COL5A3: variants seen among roughly 807,000 people sequenced by gnomAD.
The protein encoded by COL5A3 is collagen type V alpha 3 chain.
COL5A3 carries 172 observed loss-of-function variants against 250.0 expected under a neutral mutation model. That is an observed-to-expected ratio of 0.69 (90% confidence interval 0.61 to 0.78). The LOEUF (loss-of-function observed/expected upper bound fraction) is 0.78. Ranked by LOEUF, COL5A3 falls within the 30% of genes least tolerant of loss-of-function variation. COL5A3 has a pLI of 0.00. For synonymous variants in COL5A3, 937 were observed against 900.4 expected (o/e 1.04, Z -0.73); for missense variants, 2,340 against 2,334.4 (o/e 1.00, Z -0.05).
chr19:9,999,020 T>TTC (rs201356133), intron 8 of COL5A3, among the ~76,000 whole-genome samples: 17,809 of 128,450 alleles, frequency 0.14, 1,126 homozygotes, highest in African/African-American at 0.18. Flanking sequence ...CTTTCTTTCT[T>TTC]TCTTTCTCTT....
At chr19:9,966,898 G>C (rs1028667843) in intron 62 of COL5A3, 152 bp from the exon 63 acceptor site, 9 of 651,218 alleles carry the variant, frequency 1.4e-5, no homozygotes, top group Non-Finnish European at 2.3e-5. Flanking sequence ...AGAGAAAGGA[G>C]AGATAAGCAG....
At position 10,009,464 on chromosome 19, in the gene COL5A3, C is replaced by T. The variant is rs918244637; in HGVS notation, c.88+834G>A. Among the ~76,000 whole-genome samples the T allele has an allele frequency of 1.3e-5, 2 of 151,826 alleles. No homozygotes were observed. The highest frequency in any genetic ancestry group is 2.9e-5 in the Non-Finnish European group (2 of 67,944). On this transcript the variant is annotated intron_variant, in intron 1 of 66. Transcript: ENST00000264828. The surrounding 1 kb of genome is among the most constrained non-coding windows in gnomAD (Gnocchi z 4.4). ...CTCCTGAGAAATTCCTCGGGAAAAA[C>T]ACCCAAGGCTCCAGCAGCTGGGGTG...
chr19:9,988,981 G>A, intron 27 of COL5A3, 143 bp downstream of exon 27: 1 of 799,616 alleles, frequency 1.3e-6, no homozygotes, highest in Non-Finnish European at 2.1e-6. Context: ...CCTTGGCTGT[G>A]CAGCTCCAAA....
In COL5A3 at chr19:9,969,436, C is replaced by T. The variant is rs1367630437; in HGVS notation, c.4099-34G>A. On this transcript the variant is annotated intron_variant, in intron 56 of 66. Coordinates refer to ENST00000264828, the MANE Select transcript of COL5A3 (RefSeq NM_015719.4). ...GGAACAGAACATGGGGTGGGCTGCA[C>T]CCTGTCAGAACACAGTGTGGACCCC... 3.7e-6 allele frequency: 6 copies of T among 1,604,084 alleles called. No homozygotes were observed. In the South Asian group the frequency reaches 6.7e-5, roughly 18 times the overall value.
Position 9,968,432 on chromosome 19 carries a change from G to C in COL5A3, c.4267C>G (p.Gln1423Glu). Residue 1423 changes from glutamine (Q) to glutamate (E), a missense_variant, in exon 59 of 67, where the codon CAG becomes GAG. Around this residue, in one of 3 missense-constraint regions of COL5A3, gnomAD observed 1,179 missense variants for 1,162.6 expected, o/e 1.01. Transcript: ENST00000264828. The surrounding 1 kb of genome is among the most constrained non-coding windows in gnomAD (Gnocchi z 4.1). ...PPGEAGEKGD[Q>E]GLPGVQGPPG... ...GGTCCCTGCACGCCTGGCAACCCCTGATCTCCTTTCTCACCAGCTTCTCCC... is the reference window on the plus strand; with the variant it reads ...GGTCCCTGCACGCCTGGCAACCCCTCATCTCCTTTCTCACCAGCTTCTCCC... The C allele has an allele frequency of 1.3e-6, 2 of 1,591,132 alleles. No homozygotes were observed. The highest frequency in any genetic ancestry group is 1.7e-6 in the Non-Finnish European group (2 of 1,174,340).
chr19:10,006,131 C>T lies in COL5A3; in HGVS notation c.189G>A (p.Arg63=), dbSNP rs778881937. 14 of 1,613,606 alleles carry T rather than the reference C, an allele frequency of 8.7e-6. No homozygotes were observed. The highest frequency in any genetic ancestry group is 1.7e-5 in the Admixed American group (1 of 59,956). Residue 63 remains arginine (R), a synonymous_variant, in exon 2 of 67, where the codon CGG becomes CGA. Coordinates refer to ENST00000264828, the MANE Select transcript of COL5A3 (RefSeq NM_015719.4). ...TGCTGGCCTGGCCAATTCTGAATGC[C>T]CGGTCACCCTCTGGAGTCCTCTGGG... is the stretch of plus-strand genomic sequence containing the variant. ...FCPQRTPEGD[R]AFRIGQASTL... is the part of the protein sequence containing the mutation.
At chr19:9,990,392 C>CAAAAAAAA (rs879496349) in intron 24 of COL5A3, among the ~76,000 whole-genome samples, 1,577 of 81,560 alleles carry the variant, frequency 0.019, 23 homozygotes, top group Middle Eastern at 0.029. Flanking sequence ...GAAATTCTGT[C>CAAAAAAAA]AAAAAAAAAA....
chr19:9,992,486 C>T (rs939848034), intron 21 of COL5A3, among the ~76,000 whole-genome samples: 7 of 151,212 alleles, frequency 4.6e-5, no homozygotes, highest in Admixed American at 6.6e-5. Flanking sequence ...GGCAGAAAAG[C>T]GAGAAAAAAA....
chr19:10,003,220 C>T (rs867523203), intron 6 of COL5A3, among the ~76,000 whole-genome samples: 2 of 152,192 alleles, frequency 1.3e-5, no homozygotes, highest in African/African-American at 2.4e-5. Context: ...AATGATCCCC[C>T]CTTAAACAGT....
chr19:9,978,885 A>C lies in COL5A3; in HGVS notation c.2964+6T>G. On this transcript the variant is annotated splice_donor_region_variant and intron_variant, in intron 40 of 66. Coordinates refer to ENST00000264828, the MANE Select transcript of COL5A3 (RefSeq NM_015719.4). Reference sequence around the variant, plus strand: ...GACATGCAGGAGGGTCTCCAAAGATACTCACCGGGTCCCCAGGGCCCCCTT... The same window carrying C: ...GACATGCAGGAGGGTCTCCAAAGATCCTCACCGGGTCCCCAGGGCCCCCTT... The C allele has an allele frequency of 6.9e-7, 1 of 1,448,452 alleles. No homozygotes were observed. Among genetic ancestry groups the C allele is most frequent in the Admixed American group, 2.6e-5 (1 of 37,826 alleles). 89.7% of individuals were successfully genotyped at this position (1,448,452 alleles called of 1,614,324 possible).
At chr19:9,997,922 G>A in intron 10 of COL5A3, 62 bp downstream of exon 10, 1 of 1,584,512 alleles carries the variant, frequency 6.3e-7, no homozygotes, top group Non-Finnish European at 8.7e-7. Flanking sequence ...TCACTCCAGG[G>A]GATTAAACAC....
intron 13 of COL5A3, 82 bp downstream of exon 13, chr19:9,996,351 C>T (rs1568427416): frequency 2.6e-6 from 4 of 1,558,310 alleles, no homozygotes; most frequent in South Asian, 1.2e-5. Context: ...AAATAACCCC[C>T]TTCTCCTGCC....
chr19:9,983,971 C>A (rs185936331), intron 31 of COL5A3, among the ~76,000 whole-genome samples: 1 of 150,838 alleles, frequency 6.6e-6, no homozygotes, highest in Non-Finnish European at 1.5e-5. Flanking sequence ...AGCTCAACAG[C>A]ACAAAAATGT....
intron 31 of COL5A3, among the ~76,000 whole-genome samples, chr19:9,985,062 T>A (rs928217982): frequency 6.8e-6 from 1 of 146,774 alleles, no homozygotes; most frequent in Admixed American, 6.9e-5. Context: ...AATTCTCCTG[T>A]CTCAGCCTCT....
intron 31 of COL5A3, among the ~76,000 whole-genome samples, chr19:9,983,521 AAAAGAAAGAAGAAAG>A (rs1391288329): frequency 3.1e-4 from 36 of 115,970 alleles, no homozygotes; most frequent in Non-Finnish European, 5.6e-4. Context: ...CAAGCAAGCA[AAAAGAAAGAAGAAAG>A]AAAGAAAGAA....
rs764473475 is a variant in COL5A3 at position 10,006,157 on chromosome 19, G to GA, written c.162dup (p.Pro55SerfsTer8). 3.7e-6 allele frequency: 6 copies of GA among 1,611,616 alleles called. No homozygotes were observed. Among genetic ancestry groups the GA allele is most frequent in the African/African-American group, 1.3e-5 (1 of 74,888 alleles). ...CGGTCACCCTCTGGAGTCCTCTGGGGACAGAAGCCAGGCCCCTCGGGGACC... is the reference window on the plus strand; with the variant it reads ...CGGTCACCCTCTGGAGTCCTCTGGGGAACAGAAGCCAGGCCCCTCGGGGACC... On this transcript the variant is annotated frameshift_variant, in exon 2 of 67. Coordinates refer to ENST00000264828, the MANE Select transcript of COL5A3 (RefSeq NM_015719.4). LOFTEE classifies it high-confidence loss of function.
chr19:9,991,733 C>T (rs935337431), intron 23 of COL5A3, 55 bp downstream of exon 23: 1 of 1,598,306 alleles, frequency 6.3e-7, no homozygotes, highest in Non-Finnish European at 8.5e-7. Flanking sequence ...TGGTCACGGT[C>T]TAAGGTCTTA....
At chr19:10,006,946 C>T (rs1377081125) in intron 1 of COL5A3, among the ~76,000 whole-genome samples, 4 of 151,848 alleles carry the variant, frequency 2.6e-5, no homozygotes, top group African/African-American at 9.7e-5. Flanking sequence ...TTCCCTCTGA[C>T]CCTCCTCTAT....
chr19:9,974,903 TTTG>T (rs574071811), intron 45 of COL5A3, among the ~76,000 whole-genome samples: 9 of 152,120 alleles, frequency 5.9e-5, no homozygotes, highest in Non-Finnish European at 1.0e-4. Context: ...GTTTTTGTTT[TTTG>T]TTTTGTTTTG....
Sources: gnomAD v4.1 joint callset for allele counts (sites outside exome capture counted in the v4.1 genomes callset) on GRCh38, gnomAD v4.1.1 for gene constraint, gnomAD v4.1.1 regional missense constraint, Gnocchi (gnomAD v3.1) non-coding constraint, MANE v1.5 for transcripts, NCBI Gene and HGNC (gene_info 2026-07-23, HGNC 2026-07-21) for gene names.